Variants in NCAM2 observed in about 807,000 individuals in gnomAD.
NCAM2 encodes the protein neural cell adhesion molecule 2.
Under a neutral mutation model 98.1 loss-of-function variants are expected in NCAM2, and 30 were observed. The observed-to-expected ratio is 0.31, with a 90% CI of 0.23 to 0.41. The LOEUF is 0.41. NCAM2 is among the 10% of genes least tolerant of loss of function. The probability of loss-of-function intolerance (pLI) is 1.00; values close to 1 mark genes in which losing one functional copy is unlikely to be tolerated. For missense variants in NCAM2, 867 were observed against 1,005.8 expected (o/e 0.86, Z 1.87); for synonymous variants, 368 against 342.4 (o/e 1.07, Z -0.83).
chr21:21,450,762 C>T (rs983383823), intron 12 of NCAM2, among the ~76,000 whole-genome samples: 1 of 149,216 alleles, frequency 6.7e-6, no homozygotes, highest in African/African-American at 2.5e-5. Flanking sequence ...TGTTATTCCT[C>T]CTCCCCATCA....
intron 1 of NCAM2, among the ~76,000 whole-genome samples, chr21:21,183,551 C>T (rs1420735109): frequency 6.6e-6 from 1 of 152,126 alleles, no homozygotes; most frequent in Non-Finnish European, 1.5e-5. Flanking sequence ...AATCTTTTCA[C>T]TGTCGTATTC....
At chr21:21,239,807 T>C (rs1341456338) in intron 1 of NCAM2, among the ~76,000 whole-genome samples, 1 of 152,196 alleles carries the variant, frequency 6.6e-6, no homozygotes, top group East Asian at 1.9e-4. Context: ...ACACCTTAAA[T>C]ACAGATGGAC....
chr21:21,268,457 A>T (rs1240248223), intron 1 of NCAM2, among the ~76,000 whole-genome samples: 5 of 152,194 alleles, frequency 3.3e-5, no homozygotes, highest in Admixed American at 1.3e-4. Context: ...TTTAACGTTG[A>T]TGCAGGATCA....
intron 8 of NCAM2, among the ~76,000 whole-genome samples, chr21:21,362,405 TTA>T (rs1467667801): frequency 6.6e-6 from 1 of 151,470 alleles, no homozygotes; most frequent in Non-Finnish European, 1.5e-5. Flanking sequence ...TTTTTTTTTT[TTA>T]AACCTGAAAC....
chr21:21,054,203 A>T (rs887228828), intron 1 of NCAM2, among the ~76,000 whole-genome samples: 4 of 151,986 alleles, frequency 2.6e-5, no homozygotes, highest in African/African-American at 9.7e-5. Flanking sequence ...GAATAATCTG[A>T]ATTAGAAATT....
chr21:21,459,472 C>G (rs774618299), intron 12 of NCAM2, among the ~76,000 whole-genome samples: 1 of 147,832 alleles, frequency 6.8e-6, no homozygotes, highest in Non-Finnish European at 1.5e-5. Context: ...TATATACACA[C>G]ATATAATATT....
intron 1 of NCAM2, among the ~76,000 whole-genome samples, chr21:21,202,501 C>G (rs1485848519): frequency 1.4e-5 from 2 of 145,422 alleles, no homozygotes; most frequent in Non-Finnish European, 3.0e-5. Context: ...ACCGCAACCT[C>G]CATCTCCCAG....
intron 6 of NCAM2, among the ~76,000 whole-genome samples, chr21:21,334,773 T>TA (rs1337314133): frequency 2.0e-5 from 3 of 152,060 alleles, no homozygotes; most frequent in Admixed American, 6.6e-5. Context: ...TAGATTATAG[T>TA]AAAAAATGTT....
chr21:21,531,429 A>G (rs1266628587), intron 16 of NCAM2, among the ~76,000 whole-genome samples: 2 of 151,978 alleles, frequency 1.3e-5, no homozygotes, highest in Non-Finnish European at 2.9e-5. Context: ...CAAGTAACCT[A>G]CAGGAATTAG....
intron 12 of NCAM2, among the ~76,000 whole-genome samples, chr21:21,450,021 T>C (rs1167745511): frequency 6.6e-6 from 1 of 152,154 alleles, no homozygotes; most frequent in Non-Finnish European, 1.5e-5. Flanking sequence ...TTTTTTAAAC[T>C]AATGCACTGC....
At chr21:21,465,237 A>G (rs1006722669) in intron 12 of NCAM2, among the ~76,000 whole-genome samples, 2 of 151,936 alleles carry the variant, frequency 1.3e-5, no homozygotes, top group Non-Finnish European at 2.9e-5. Context: ...ACATTCAACA[A>G]TGTATTTTTT....
Position 21,209,564 on chromosome 21 carries a change from G to A in NCAM2, c.56-71014G>A, listed in dbSNP as rs150920489. On this transcript the variant is annotated intron_variant, in intron 1 of 17. Transcript: ENST00000400546. ...GAGCTTGTGCTGGTCACATGAGGCA[G>A]GATGGGAAAAGGGCAGGGAGACTTG... Among the ~76,000 whole-genome samples, 26 of 152,174 alleles carry A rather than the reference G, an allele frequency of 1.7e-4. No homozygotes were observed. The East Asian group carries it at 3.3e-3, about 19-fold the overall frequency.
At chr21:21,494,978 AC>A (rs1271817644) in intron 15 of NCAM2, among the ~76,000 whole-genome samples, 1 of 151,872 alleles carries the variant, frequency 6.6e-6, no homozygotes, top group African/African-American at 2.4e-5. Flanking sequence ...TTAAAGGATA[AC>A]AAGAATTTGA....
intron 1 of NCAM2, among the ~76,000 whole-genome samples, chr21:21,111,361 A>G (rs2066450601): frequency 6.6e-6 from 1 of 152,200 alleles, no homozygotes; most frequent in South Asian, 2.1e-4. Context: ...ATTTAATACT[A>G]TGGGATTGGT....
At position 21,410,350 on chromosome 21, in the gene NCAM2, G is replaced by C. The variant is rs750954630; in HGVS notation, c.1272G>C (p.Val424=). Residue 424 remains valine, a synonymous_variant, in exon 10 of 18, where the codon GTG becomes GTC. Transcript: ENST00000400546. The part of the protein sequence containing the change: ...EGNPINISCD[V]KSNPPASIHW... ...ATCCTATCAATATAAGTTGTGATGT[G>C]AAATCGAATCCACCAGCATCAATTC... is the stretch of plus-strand genomic sequence containing the variant. 5.2e-5 allele frequency: 83 copies of C among 1,602,790 alleles called. No individual in the cohort carries two copies. Among genetic ancestry groups the C allele is most frequent in the Non-Finnish European group, 6.8e-5 (80 of 1,173,822 alleles).
chr21:21,226,068 A>G (rs1306189162), intron 1 of NCAM2, among the ~76,000 whole-genome samples: 1 of 152,074 alleles, frequency 6.6e-6, no homozygotes. Flanking sequence ...AGAAAACCAA[A>G]TGCTGCATGT....
intron 1 of NCAM2, among the ~76,000 whole-genome samples, chr21:21,154,570 G>T (rs985267856): frequency 6.6e-6 from 1 of 151,566 alleles, no homozygotes; most frequent in African/African-American, 2.4e-5. Context: ...GACACAAAAC[G>T]AAAACGACAA....
intron 8 of NCAM2, among the ~76,000 whole-genome samples, chr21:21,341,885 G>T (rs972118222): frequency 6.6e-6 from 1 of 152,120 alleles, no homozygotes; most frequent in African/African-American, 2.4e-5. Context: ...TCCCCTGTGT[G>T]AGAAGACATG....
intron 1 of NCAM2, among the ~76,000 whole-genome samples, chr21:21,068,431 A>C (rs998932813): frequency 1.3e-5 from 2 of 148,850 alleles, no homozygotes; most frequent in Admixed American, 1.3e-4. Context: ...ACCACACAAC[A>C]GTGTCCTGTG....
Sources: allele counts gnomAD v4.1 joint callset (sites outside exome capture counted in the v4.1 genomes callset), GRCh38; gene constraint gnomAD v4.1.1; transcripts MANE v1.5; gene names NCBI Gene and HGNC (gene_info 2026-07-23, HGNC 2026-07-21).